The following EMC3 variants were observed in gnomAD, a reference collection of about 807,000 sequenced individuals.
EMC3 encodes 30 kDa protein.
A neutral mutation model predicts 36.6 loss-of-function variants in EMC3; 13 were observed. That is an observed-to-expected ratio of 0.35 (90% CI 0.23 to 0.56). The LOEUF is 0.56. Ranked by LOEUF, EMC3 falls within the 20% of genes least tolerant of loss-of-function variation. The pLI is 0.84. For missense variants in EMC3, 220 were observed against 324.5 expected, an observed-to-expected ratio of 0.68 and a Z score of 2.47; for synonymous variants, 120 against 111.9, an observed-to-expected ratio of 1.07 and a Z score of -0.46.
intron 1 of EMC3, among the ~76,000 whole-genome samples, chr3:9,980,757 C>T (rs1050209479): frequency 6.6e-6 from 1 of 152,068 alleles, no homozygotes; most frequent in African/African-American, 2.4e-5. Flanking sequence ...ACATCCTAAG[C>T]ACTAGATTAA....
intron 1 of EMC3, chr3:10,002,779 C>T (rs1236399872): frequency 2.2e-6 from 1 of 454,756 alleles, no homozygotes; most frequent in Non-Finnish European, 4.4e-6. Context: ...GTCCCTGGCT[C>T]AACAAGCCTT....
At chr3:10,006,394 T>G (rs1200522603) in intron 1 of EMC3, 1 of 152,248 alleles carries the variant, frequency 6.6e-6, no homozygotes, top group Non-Finnish European at 1.5e-5. Context: ...ATCAAGTCGT[T>G]GTGGTGGTCA....
intron 1 of EMC3, among the ~76,000 whole-genome samples, chr3:9,999,690 G>T (rs1301956308): frequency 6.6e-6 from 1 of 152,164 alleles, no homozygotes; most frequent in Non-Finnish European, 1.5e-5. Flanking sequence ...GCAGTTTTAT[G>T]TTTTCGAATG....
upstream of EMC3, chr3:9,988,228 G>A (rs2086002381): frequency 3.4e-6 from 2 of 590,944 alleles, no homozygotes; most frequent in Admixed American, 5.7e-5. Flanking sequence ...ATCCCAGGCA[G>A]ACTACAGTGC....
chr3:10,007,279 A>C, intron 1 of EMC3: 5 of 1,251,240 alleles, frequency 4.0e-6, no homozygotes, highest in Non-Finnish European at 5.2e-6. Flanking sequence ...CCCCACACTC[A>C]CACTACCTGG....
intron 5 of EMC3, among the ~76,000 whole-genome samples, chr3:9,972,805 G>A (rs1206090097): frequency 6.7e-6 from 1 of 150,090 alleles, no homozygotes; most frequent in African/African-American, 2.5e-5. Context: ...TGATTCCAAT[G>A]AAGTATTGCA....
At chr3:9,985,405 A>T (rs922072934) in intron 1 of EMC3, among the ~76,000 whole-genome samples, 2 of 152,224 alleles carry the variant, frequency 1.3e-5, no homozygotes, top group African/African-American at 4.8e-5. Context: ...ATGATTTCTG[A>T]AAGTAATCAG....
rs1204563649 is a variant in EMC3, at chr3:9,974,399, A to C, written c.397T>G (p.Ser133Ala). ...LIGGWINMTF[S>A]GFVTTKVPFP... ...TGTAACTTACTTGTGACAAAGCCTG[A>C]GAATGTCATGTTGATCCATCCACCA... The change falls in exon 4 of 8, where the codon TCA becomes GCA. Residue 133 changes from serine (S) to alanine (A), a missense_variant. This residue lies in a region of EMC3 where 127 missense variants were observed against 174.6 expected (regional missense o/e 0.73). Transcript: ENST00000245046. The C allele has an allele frequency of 2.5e-6, 4 of 1,613,014 alleles. No individual in the cohort carries two copies. Among genetic ancestry groups the C allele is most frequent in the Non-Finnish European group, 3.4e-6 (4 of 1,178,964 alleles).
upstream of EMC3, chr3:9,988,296 T>G (rs17050676): frequency 5.3e-4 from 375 of 710,476 alleles, no homozygotes; most frequent in African/African-American, 5.9e-3. Flanking sequence ...ACATGGCTAC[T>G]AAGCAGGAAT....
At chr3:9,966,676 G>A (rs551653501) in intron 7 of EMC3, among the ~76,000 whole-genome samples, 1 of 152,062 alleles carries the variant, frequency 6.6e-6, no homozygotes, top group Non-Finnish European at 1.5e-5. Flanking sequence ...CCAGGTTCAA[G>A]CAATTCTCAT....
chr3:9,986,681 C>T lies in EMC3; in HGVS notation c.-20G>A, dbSNP rs2085977060. ...TGCCATCTTCACTGAAAGCTGGTTC[C>T]CAGTCTGGAATGGGCGAGCTTCTCT... On this transcript the variant is annotated 5_prime_UTR_variant, in exon 1 of 8. Coordinates refer to ENST00000245046, the MANE Select transcript of EMC3 (RefSeq NM_001394674.1). 3.1e-6 allele frequency: 5 copies of T among 1,613,288 alleles called. No homozygotes were observed. Among genetic ancestry groups the T allele is most frequent in the Non-Finnish European group, 4.2e-6 (5 of 1,179,394 alleles).
At chr3:9,983,105 G>T (rs1443238048) in intron 1 of EMC3, among the ~76,000 whole-genome samples, 1 of 151,858 alleles carries the variant, frequency 6.6e-6, no homozygotes, top group Non-Finnish European at 1.5e-5. Context: ...GGTTCTTCAT[G>T]GGGGTGTTAC....
At chr3:9,995,681 G>T (rs534386424) in intron 1 of EMC3, among the ~76,000 whole-genome samples, 1 of 152,036 alleles carries the variant, frequency 6.6e-6, no homozygotes, top group East Asian at 1.9e-4. Context: ...CTGTCACCTA[G>T]ACTGGAGTGC....
At chr3:9,974,204 T>C (rs1405449988) in intron 4 of EMC3, among the ~76,000 whole-genome samples, 180 bp downstream of exon 4, 1 of 152,194 alleles carries the variant, frequency 6.6e-6, no homozygotes, top group African/African-American at 2.4e-5. Flanking sequence ...CTAAAAAGCA[T>C]CCACGTCATG....
chr3:10,001,730 G>A (rs2086202609), intron 1 of EMC3, among the ~76,000 whole-genome samples: 1 of 152,136 alleles, frequency 6.6e-6, no homozygotes, highest in Admixed American at 6.5e-5. Flanking sequence ...GGGTGCTGTG[G>A]CTAACGCCTG....
At chr3:10,008,879 C>G (rs1448520183) in intron 1 of EMC3, 1 of 176,220 alleles carries the variant, frequency 5.7e-6, no homozygotes, top group Non-Finnish European at 1.2e-5. Context: ...CAGTGAGACC[C>G]TGGGATTCAA....
upstream of EMC3, among the ~76,000 whole-genome samples, chr3:9,990,938 C>T (rs1352652460): frequency 6.6e-6 from 1 of 152,176 alleles, no homozygotes; most frequent in South Asian, 2.1e-4. Context: ...ACGCCATTCT[C>T]CTGCCTCGGC....
Position 9,963,921 on chromosome 3 carries a change from G to C in EMC3, c.*148C>G. ...TTTCCTCTAGTTTCAAACATAAAGGGGAACCCAGCCCAGACAAGAACAAGC... is the reference window on the plus strand; with the variant it reads ...TTTCCTCTAGTTTCAAACATAAAGGCGAACCCAGCCCAGACAAGAACAAGC... On this transcript the variant is annotated 3_prime_UTR_variant, in exon 8 of 8. Coordinates refer to ENST00000245046, the MANE Select transcript of EMC3 (RefSeq NM_001394674.1). 2 of 1,351,206 alleles carry C rather than the reference G, an allele frequency of 1.5e-6. No individual in the cohort carries two copies. Among genetic ancestry groups the C allele is most frequent in the Non-Finnish European group, 2.0e-6 (2 of 991,052 alleles). The allele number at this position is 1,351,206 out of a possible 1,614,324, so 83.7% of individuals were successfully genotyped here.
At chr3:9,989,015 G>T (rs1031069052), upstream of EMC3, among the ~76,000 whole-genome samples, 4 of 152,012 alleles carry the variant, frequency 2.6e-5, no homozygotes, top group South Asian at 2.1e-4. Flanking sequence ...ACATCAAGGT[G>T]CAGTCAAAGA....
Sources: gnomAD v4.1 joint callset for allele counts (sites outside exome capture counted in the v4.1 genomes callset) on GRCh38, gnomAD v4.1.1 for gene constraint, gnomAD v4.1.1 regional missense constraint, MANE v1.5 for transcripts, NCBI Gene and HGNC (gene_info 2026-07-23, HGNC 2026-07-21) for gene names.